IDE: variants seen among roughly 807,000 people sequenced by gnomAD.
The protein encoded by IDE is insulin degrading enzyme.
IDE carries 58 observed loss-of-function variants against 133.2 expected under a neutral mutation model. That is an observed-to-expected ratio of 0.44 (90% confidence interval 0.35 to 0.54). The LOEUF (loss-of-function observed/expected upper bound fraction) is 0.54, where lower values mean the gene tolerates loss of function less well. Among genes scored for constraint, IDE ranks in the 20% least tolerant of loss-of-function variants. IDE has a pLI of 0.00. For synonymous variants in IDE, 396 were observed against 421.3 expected, an observed-to-expected ratio of 0.94 and a Z score of 0.73; for missense variants, 981 against 1,234.0, an observed-to-expected ratio of 0.79 and a Z score of 3.07.
chr10:92,495,856 A>G (rs1036083849), intron 11 of IDE, among the ~76,000 whole-genome samples: 1 of 152,070 alleles, frequency 6.6e-6, no homozygotes, highest in African/African-American at 2.4e-5. Flanking sequence ...AGGCTCATGA[A>G]AAATGCTAAA....
intron 17 of IDE, among the ~76,000 whole-genome samples, chr10:92,472,477 T>C (rs1331312736): frequency 6.6e-6 from 1 of 152,188 alleles, no homozygotes; most frequent in Non-Finnish European, 1.5e-5. Flanking sequence ...CCTGTTCTAG[T>C]AAGTGATTTT....
chr10:92,524,168 G>T (rs1849383403), intron 4 of IDE, among the ~76,000 whole-genome samples: 1 of 146,438 alleles, frequency 6.8e-6, no homozygotes, highest in Non-Finnish European at 1.5e-5. Context: ...AAATTAGCTG[G>T]GCATGGTGGC....
chr10:92,474,824 TAAGTAGA>T lies in IDE; in HGVS notation c.2116+10_2116+16del. The T allele has an allele frequency of 6.3e-7, 1 of 1,597,658 alleles. No individual in the cohort carries two copies. Among genetic ancestry groups the T allele is most frequent in the Non-Finnish European group, 8.5e-7 (1 of 1,175,440 alleles). ...AAAAAATGAAGAAAGCATTAAGCTT[TAAGTAGA>T]AAGTCTCACCATCCAGAGCTTCTTT... On this transcript the variant is annotated intron_variant, in intron 17 of 24. Transcript: ENST00000265986.
At chr10:92,512,836 A>G (rs1200084098) in intron 5 of IDE, among the ~76,000 whole-genome samples, 1 of 152,232 alleles carries the variant, frequency 6.6e-6, no homozygotes, top group African/African-American at 2.4e-5. Flanking sequence ...AAAAGTTACC[A>G]TAATTTCATG....
chr10:92,465,061 G>A (rs540818323), intron 20 of IDE, among the ~76,000 whole-genome samples: 2 of 152,262 alleles, frequency 1.3e-5, no homozygotes, highest in South Asian at 2.1e-4. Context: ...TGAGCTCCTC[G>A]AAAGGAAGGA....
intron 19 of IDE, among the ~76,000 whole-genome samples, chr10:92,466,503 T>C (rs1368544399): frequency 1.3e-5 from 2 of 152,142 alleles, no homozygotes; most frequent in African/African-American, 2.4e-5. Context: ...TTTTGGTAGA[T>C]ACGGGGTTTT....
rs776288772 is a variant in IDE, at chr10:92,463,894, G to A, written c.2598C>T (p.Phe866=). 1.9e-5 allele frequency: 31 copies of A among 1,614,040 alleles called. No homozygotes were observed. In the African/African-American group the frequency reaches 3.7e-4, roughly 19 times the overall value. ...CTATGGACTTTTCCATGGTAATTAA[G>A]AAAGCTTCCACTCTGCTTTCTAGGT... ...PHYLESRVEA[F]LITMEKSIED... is the part of the protein sequence containing the mutation. Residue 866 remains phenylalanine (F), a synonymous_variant, in exon 21 of 25, where the codon TTC becomes TTT. Transcript: ENST00000265986.
chr10:92,536,670 C>T, intron 2 of IDE, among the ~76,000 whole-genome samples: 1 of 148,566 alleles, frequency 6.7e-6, no homozygotes, highest in East Asian at 2.0e-4. Flanking sequence ...TGCACTCCAG[C>T]CTGGGCAACA....
chr10:92,468,959 T>C lies in IDE; in HGVS notation c.2240A>G (p.Asp747Gly). The C allele has an allele frequency of 6.2e-7, 1 of 1,610,322 alleles. No homozygotes were observed. Among genetic ancestry groups the C allele is most frequent in the Non-Finnish European group, 8.5e-7 (1 of 1,176,552 alleles). The change falls in exon 19 of 25, where the codon GAC becomes GGC. Residue 747 changes from aspartate to glycine, a missense_variant. Asp to Gly is a moderately conservative substitution (Grantham distance 94). Coordinates refer to ENST00000265986, the MANE Select transcript of IDE (RefSeq NM_004969.4). ...AALGIMQMVE[D>G]TLIEHAHTKP... ...GGTATGAGCATGTTCAATGAGGGTG[T>C]CTTCAACCATCTGCATAATTCCTAA...
At chr10:92,564,671 CAAAAAAAAAAAAAAA>C (rs532861372) in intron 1 of IDE, among the ~76,000 whole-genome samples, 62 of 31,580 alleles carry the variant, frequency 2.0e-3, no homozygotes, top group African/African-American at 3.6e-3. Context: ...GAGACTGTCT[CAAAAAAAAAAAAAAA>C]AAAAAAAAAA....
In IDE at chr10:92,534,779, A is replaced by C. The variant is rs369496161; in HGVS notation, c.290T>G (p.Leu97Trp). The part of the protein sequence containing the change: ...SAALDVHIGS[L>W]SDPPNIAGLS... ...GCCAGCAATATTTGGAGGATCCGACAATGAACCTGAAAGAGAAAACACGTA... is the reference window on the plus strand; with the variant it reads ...GCCAGCAATATTTGGAGGATCCGACCATGAACCTGAAAGAGAAAACACGTA... Residue 97 changes from leucine to tryptophan, a missense_variant, in exon 3 of 25, where the codon TTG becomes TGG. By Grantham distance (61) the Leu-to-Trp change is moderately conservative (BLOSUM62 -2). Transcript: ENST00000265986. 6.2e-7 allele frequency: 1 copy of C among 1,612,148 alleles called. No homozygotes were observed. Among genetic ancestry groups the C allele is most frequent in the African/African-American group, 1.3e-5 (1 of 75,008 alleles).
chr10:92,563,698 T>G (rs1331684132), intron 1 of IDE, among the ~76,000 whole-genome samples: 1 of 151,138 alleles, frequency 6.6e-6, no homozygotes, highest in Non-Finnish European at 1.5e-5. Context: ...GAGGTTGCAG[T>G]GAGCCGGGAT....
rs1844831538 is a variant in IDE, at chr10:92,453,217, T to C, written c.*1227A>G. On this transcript the variant is annotated 3_prime_UTR_variant, in exon 25 of 25. Coordinates refer to ENST00000265986, the MANE Select transcript of IDE (RefSeq NM_004969.4). The stretch of plus-strand genomic sequence containing the variant: ...CAATTTCTCTTGAAGCAAGTTTTAA[T>C]AACAGTAAATATTTCAAAACAGCTG... 1 of 152,180 alleles carries C rather than the reference T, an allele frequency of 6.6e-6. No homozygotes were observed. Among genetic ancestry groups the C allele is most frequent in the Admixed American group, 6.6e-5 (1 of 15,258 alleles). The allele number at this position is 152,180 out of a possible 1,614,324, so 9.4% of individuals were successfully genotyped here.
intron 1 of IDE, chr10:92,558,899 G>A (rs1206011512): frequency 5.0e-5 from 7 of 141,180 alleles, no homozygotes; most frequent in Non-Finnish European, 7.7e-5. Flanking sequence ...CCGGCCTAGA[G>A]AATATATTTT....
At chr10:92,472,465 T>C (rs1052178316) in intron 17 of IDE, among the ~76,000 whole-genome samples, 1 of 152,222 alleles carries the variant, frequency 6.6e-6, no homozygotes, top group East Asian at 1.9e-4. Context: ...TAAAAAAATG[T>C]ACCTGTTCTA....
At chr10:92,538,940 G>A (rs1201832798) in intron 1 of IDE, among the ~76,000 whole-genome samples, 1 of 152,154 alleles carries the variant, frequency 6.6e-6, no homozygotes, top group Non-Finnish European at 1.5e-5. Flanking sequence ...AGATCTGACT[G>A]TTCCTTAAAG....
At chr10:92,548,023 G>A (rs1032972916) in intron 1 of IDE, among the ~76,000 whole-genome samples, 1 of 152,064 alleles carries the variant, frequency 6.6e-6, no homozygotes, top group South Asian at 2.1e-4. Context: ...GTAGGATGGT[G>A]TGCCATCGTG....
chr10:92,518,951 C>T (rs1849070959), intron 4 of IDE, among the ~76,000 whole-genome samples: 1 of 152,136 alleles, frequency 6.6e-6, no homozygotes, highest in African/African-American at 2.4e-5. Flanking sequence ...GCATTTGTAA[C>T]GTTCTCTTTC....
intron 1 of IDE, among the ~76,000 whole-genome samples, chr10:92,571,046 T>C (rs904792301): frequency 6.6e-6 from 1 of 150,492 alleles, no homozygotes; most frequent in African/African-American, 2.4e-5. Flanking sequence ...AGTGGCACGA[T>C]CTCAGCTCAC....
Sources: allele counts gnomAD v4.1 joint callset (sites outside exome capture counted in the v4.1 genomes callset), GRCh38; gene constraint gnomAD v4.1.1; transcripts MANE v1.5; gene names NCBI Gene and HGNC (gene_info 2026-07-23, HGNC 2026-07-21).